The following HDDC2 variants were observed in gnomAD, a reference collection of about 807,000 sequenced individuals.
HDDC2 encodes the protein 5'-deoxynucleotidase HDDC2.
A neutral mutation model predicts 25.5 loss-of-function variants in HDDC2; 25 were observed. That is an observed-to-expected ratio of 0.98 (90% CI 0.72 to 1.37). The LOEUF (loss-of-function observed/expected upper bound fraction) is 1.37. Ranked by LOEUF, HDDC2 falls within the 40% of genes most tolerant of loss-of-function variation. HDDC2 has a pLI of 0.00. For synonymous variants in HDDC2, 106 were observed against 89.7 expected (o/e 1.18, Z -1.03); for missense variants, 264 against 253.1 (o/e 1.04, Z -0.29).
At position 125,276,234 on chromosome 6, in the gene HDDC2, T is replaced by A. The variant is rs552777966; in HGVS notation, c.527A>T (p.Asn176Ile). The A allele has an allele frequency of 6.2e-7, 1 of 1,613,600 alleles. No individual in the cohort carries two copies. The highest frequency in any genetic ancestry group is 8.5e-7 in the Non-Finnish European group (1 of 1,179,630). The change falls in exon 6 of 6, where the codon AAT (asparagine) becomes ATT (isoleucine). Residue 176 changes from asparagine (N) to isoleucine (I), a missense_variant. Coordinates refer to ENST00000398153, the MANE Select transcript of HDDC2 (RefSeq NM_016063.3). The part of the protein sequence containing the change: ...DFYDSTAGKF[N>I]HPEIVQLVSE... ...AACAAGCTGGACTATCTCAGGGTGA[T>A]TGAATTTTCCTGCAAAGCAAAAGAA...
At position 125,299,151 on chromosome 6, in the gene HDDC2, G is replaced by A. The variant is rs144560910; in HGVS notation, c.207-335C>T. On this transcript the variant is annotated intron_variant, in intron 2 of 5. Transcript: ENST00000398153. ...TGTCATACCAGCACTTTGGGAGGCC[G>A]AGGTGGCGGATCACCTGAGGTCAGG... Among the ~76,000 whole-genome samples the A allele has an allele frequency of 6.4e-3, 977 of 152,298 alleles. 7 individuals are homozygous for A. Among genetic ancestry groups the A allele is most frequent in the African/African-American group, 0.023 (951 of 41,558 alleles).
rs751352650 is a variant in HDDC2, at chr6:125,277,224, G to C, written c.395C>G (p.Ser132Cys). 32 of 1,614,104 alleles carry C rather than the reference G, an allele frequency of 2.0e-5. No individual in the cohort carries two copies. Among genetic ancestry groups the C allele is most frequent in the Non-Finnish European group, 2.6e-5 (31 of 1,179,976 alleles). ...YELWEEYETQ[S>C]SAEAKFVKQL... is the part of the protein sequence containing the mutation. ...CTTCACAAATTTGGCTTCTGCACTAGATTGGGTCTCGTACTCCTAAGTAAA... is the reference window on the plus strand; with the variant it reads ...CTTCACAAATTTGGCTTCTGCACTACATTGGGTCTCGTACTCCTAAGTAAA... Residue 132 changes from serine to cysteine, a missense_variant, in exon 5 of 6, where the codon TCT becomes TGT. Ser to Cys is a moderately radical substitution (Grantham distance 112). Coordinates refer to ENST00000398153, the MANE Select transcript of HDDC2 (RefSeq NM_016063.3).
At chr6:125,279,383 G>A (rs1798422123) in intron 4 of HDDC2, 1 of 152,048 alleles carries the variant, frequency 6.6e-6, no homozygotes, top group African/African-American at 2.4e-5. Flanking sequence ...ATGAAGAAAA[G>A]ACCCAGATAA....
chr6:125,296,093 C>T (rs74593374), intron 3 of HDDC2, among the ~76,000 whole-genome samples: 7,333 of 149,956 alleles, frequency 0.049, 204 homozygotes, highest in Middle Eastern at 0.062. Flanking sequence ...TTTGCATTAA[C>T]GGATTCAACC....
chr6:125,278,410 A>G (rs1184817302), intron 4 of HDDC2: 2 of 152,218 alleles, frequency 1.3e-5, no homozygotes, highest in African/African-American at 4.8e-5. Context: ...TTTTCTGTTG[A>G]AAGTGAGAAA....
chr6:125,275,420 A>G lies in HDDC2; in HGVS notation c.*726T>C, dbSNP rs1272733198. ...TGATATATTCCCTACCTGAGGCTCA[A>G]TGACCCCAGTTCCTATTTATATTTC... On this transcript the variant is annotated 3_prime_UTR_variant, in exon 6 of 6. Transcript: ENST00000398153. The G allele has an allele frequency of 6.6e-6, 1 of 152,214 alleles. No homozygotes were observed. Among genetic ancestry groups the G allele is most frequent in the Non-Finnish European group, 1.5e-5 (1 of 68,034 alleles). 9.4% of individuals were successfully genotyped at this position (152,214 alleles called of 1,614,324 possible).
rs534434865 is a variant in HDDC2 at position 125,294,934 on chromosome 6, C to T, written c.310-2025G>A. Among the ~76,000 whole-genome samples, 27 of 152,318 alleles carry T rather than the reference C, an allele frequency of 1.8e-4. No individual in the cohort carries two copies. The South Asian group carries it at 2.9e-3, about 16-fold the overall frequency. On this transcript the variant is annotated intron_variant, in intron 3 of 5. Coordinates refer to ENST00000398153, the MANE Select transcript of HDDC2 (RefSeq NM_016063.3). ...AAACAAAACAGCAAATACGTTGTTG[C>T]TCTCTTCCTGAAACTGAACTATGAT... is the stretch of plus-strand genomic sequence containing the variant.
chr6:125,293,559 T>C (rs1583054413), intron 3 of HDDC2, among the ~76,000 whole-genome samples: 1 of 152,162 alleles, frequency 6.6e-6, no homozygotes, highest in African/African-American at 2.4e-5. Context: ...AACAGTTCTA[T>C]CCTCTTTCCA....
intron 3 of HDDC2, among the ~76,000 whole-genome samples, chr6:125,297,737 G>C (rs1259508229): frequency 6.6e-6 from 1 of 152,136 alleles, no homozygotes; most frequent in African/African-American, 2.4e-5. Context: ...TCTAATAAAA[G>C]TAGCTAGCAA....
At chr6:125,295,764 CCT>C (rs757387456) in intron 3 of HDDC2, among the ~76,000 whole-genome samples, 174 of 152,230 alleles carry the variant, frequency 1.1e-3, no homozygotes, top group Admixed American at 1.6e-3. Context: ...ACGACTCTGC[CCT>C]CTGTTTCAAT....
intron 4 of HDDC2, among the ~76,000 whole-genome samples, chr6:125,285,543 T>C (rs1343250881): frequency 6.6e-6 from 1 of 151,556 alleles, no homozygotes; most frequent in Admixed American, 6.6e-5. Flanking sequence ...TGACAAATAG[T>C]GAAGACAGGC....
intron 4 of HDDC2, among the ~76,000 whole-genome samples, chr6:125,284,467 G>GA (rs1798502985): frequency 6.6e-6 from 1 of 151,898 alleles, no homozygotes; most frequent in African/African-American, 2.4e-5. Context: ...AAATTTACAA[G>GA]AAAAAAACAA....
intron 5 of HDDC2, chr6:125,276,526 C>T (rs745495831): frequency 4.9e-6 from 2 of 409,098 alleles, no homozygotes; most frequent in Non-Finnish European, 8.7e-6. Flanking sequence ...CTCCTCAGTG[C>T]CTCTACCAGG....
At chr6:125,292,707 G>A in intron 4 of HDDC2, 134 bp downstream of exon 4, 1 of 720,540 alleles carries the variant, frequency 1.4e-6, no homozygotes, top group Non-Finnish European at 2.4e-6. Context: ...CAGCTGGGAA[G>A]TGAGAAACAG....
chr6:125,285,495 A>G (rs1371171976), intron 4 of HDDC2, among the ~76,000 whole-genome samples: 6 of 152,148 alleles, frequency 3.9e-5, no homozygotes, highest in African/African-American at 1.4e-4. Flanking sequence ...TTAAAAGTTG[A>G]GCAGAAATGA....
chr6:125,294,354 T>G (rs1798674290), intron 3 of HDDC2, among the ~76,000 whole-genome samples: 1 of 152,158 alleles, frequency 6.6e-6, no homozygotes, highest in South Asian at 2.1e-4. Context: ...ATGTCAACAA[T>G]CCACTCTTAT....
intron 4 of HDDC2, among the ~76,000 whole-genome samples, chr6:125,291,344 T>G (rs1403756898): frequency 6.6e-6 from 1 of 152,168 alleles, no homozygotes; most frequent in African/African-American, 2.4e-5. Flanking sequence ...GCCTATAATC[T>G]CTCATCTTAA....
At chr6:125,282,347 CA>C (rs372177911) in intron 4 of HDDC2, among the ~76,000 whole-genome samples, 212 of 112,424 alleles carry the variant, frequency 1.9e-3, no homozygotes, top group Admixed American at 1.8e-3. Context: ...GACTCCATCT[CA>C]AAAAAAAAAA....
intron 4 of HDDC2, among the ~76,000 whole-genome samples, chr6:125,281,477 T>G (rs1364764700): frequency 3.3e-5 from 5 of 152,098 alleles, no homozygotes. Context: ...GTTAGAGGAA[T>G]TGCTAACCAG....
Sources: gnomAD v4.1 joint callset for allele counts (sites outside exome capture counted in the v4.1 genomes callset) on GRCh38, gnomAD v4.1.1 for gene constraint, MANE v1.5 for transcripts, NCBI Gene and HGNC (gene_info 2026-07-23, HGNC 2026-07-21) for gene names.